The following CORIN variants were observed in gnomAD, a reference collection of about 807,000 sequenced individuals.
CORIN encodes corin, serine peptidase, also known as atrial natriuretic peptide-converting enzyme.
CORIN carries 117 observed loss-of-function variants against 125.3 expected under a neutral mutation model. That is an observed-to-expected ratio of 0.93 (90% CI 0.80 to 1.09). The LOEUF (loss-of-function observed/expected upper bound fraction) is 1.09. Ranked by LOEUF, CORIN falls within the 50% of genes least tolerant of loss-of-function variation. CORIN has a pLI of 0.00. For synonymous variants in CORIN, 450 were observed against 466.4 expected (o/e 0.96, Z 0.45); for missense variants, 1,253 against 1,306.7 (o/e 0.96, Z 0.63).
At chr4:47,630,379 G>A (rs1314529836) in intron 16 of CORIN, among the ~76,000 whole-genome samples, 1 of 152,174 alleles carries the variant, frequency 6.6e-6, no homozygotes, top group African/African-American at 2.4e-5. Flanking sequence ...TTTGTTTGAT[G>A]ATTGGGATTG....
intron 5 of CORIN, among the ~76,000 whole-genome samples, chr4:47,724,556 A>G (rs1727501426): frequency 6.6e-6 from 1 of 152,158 alleles, no homozygotes; most frequent in Non-Finnish European, 1.5e-5. Flanking sequence ...ATTTTTTTGG[A>G]ACTCAAGAAT....
intron 2 of CORIN, among the ~76,000 whole-genome samples, chr4:47,801,960 C>T (rs1731564168): frequency 1.3e-5 from 2 of 152,220 alleles, no homozygotes; most frequent in Non-Finnish European, 2.9e-5. Context: ...CTTCATCCTC[C>T]AGCAGTGGGT....
At chr4:47,667,439 G>C (rs1019543308) in intron 10 of CORIN, among the ~76,000 whole-genome samples, 1 of 152,190 alleles carries the variant, frequency 6.6e-6, no homozygotes, top group African/African-American at 2.4e-5. Flanking sequence ...AGGCAAGCAA[G>C]TGTCCTGGTA....
At chr4:47,711,690 C>A (rs745863545) in intron 5 of CORIN, among the ~76,000 whole-genome samples, 1 of 152,172 alleles carries the variant, frequency 6.6e-6, no homozygotes, top group Non-Finnish European at 1.5e-5. Flanking sequence ...ATTTTGGGAT[C>A]TCTATTGTTA....
rs1030638705 is a variant in CORIN, at chr4:47,776,355, G to A, written c.409+10370C>T. On this transcript the variant is annotated intron_variant, in intron 3 of 21. Coordinates refer to ENST00000273857, the MANE Select transcript of CORIN (RefSeq NM_006587.4). ...GACTGGAGTGCAATGGTGAGATCTC[G>A]GCTCACTTGAACTTCAGCCTCCCAG... Among the ~76,000 whole-genome samples, 7 of 150,550 alleles carry A rather than the reference G, an allele frequency of 4.6e-5. No individual in the cohort carries two copies. In the East Asian group the frequency reaches 1.4e-3, roughly 29 times the overall value.
In CORIN at chr4:47,603,460, C is replaced by G; in HGVS notation, c.2749G>C (p.Glu917Gln). Residue 917 changes from glutamate to glutamine, a missense_variant, in exon 20 of 22, where the codon GAG (glutamate) becomes CAG (glutamine). Coordinates refer to ENST00000273857, the MANE Select transcript of CORIN (RefSeq NM_006587.4). ...YVRPVCLPNP[E>Q]QWLEPDTYCY... ...TACGTGTCAGGCTCTAGCCACTGCTCCGGGTTGGGCAAGCAGACAGGCCGG... is the reference window on the plus strand; with the variant it reads ...TACGTGTCAGGCTCTAGCCACTGCTGCGGGTTGGGCAAGCAGACAGGCCGG... The G allele has an allele frequency of 6.2e-7, 1 of 1,614,166 alleles. No individual in the cohort carries two copies. Among genetic ancestry groups the G allele is most frequent in the South Asian group, 1.1e-5 (1 of 91,080 alleles).
chr4:47,667,396 A>G (rs1057349206), intron 10 of CORIN, among the ~76,000 whole-genome samples: 1 of 152,206 alleles, frequency 6.6e-6, no homozygotes, highest in Non-Finnish European at 1.5e-5. Flanking sequence ...CTCTGTTTGC[A>G]GTAGATATGC....
At chr4:47,672,858 A>T (rs186125634) in intron 10 of CORIN, among the ~76,000 whole-genome samples, 74 of 152,182 alleles carry the variant, frequency 4.9e-4, no homozygotes, top group African/African-American at 1.7e-3. Flanking sequence ...CAATCCTGTC[A>T]GTCTGGGTTA....
intron 20 of CORIN, among the ~76,000 whole-genome samples, chr4:47,601,217 A>G (rs1451646148): frequency 1.3e-5 from 2 of 152,306 alleles, no homozygotes; most frequent in East Asian, 3.9e-4. Context: ...AATCTTTACA[A>G]TACTCCTGTG....
intron 19 of CORIN, among the ~76,000 whole-genome samples, chr4:47,623,106 A>C (rs371119018): frequency 3.2e-5 from 4 of 126,428 alleles, no homozygotes; most frequent in African/African-American, 3.5e-5. Flanking sequence ...CTATATATAT[A>C]TATATATATA....
At chr4:47,826,011 C>CT (rs1029522421) in intron 1 of CORIN, among the ~76,000 whole-genome samples, 7 of 152,112 alleles carry the variant, frequency 4.6e-5, no homozygotes, top group Non-Finnish European at 1.0e-4. Context: ...CCAACCATTG[C>CT]TTTTTTCTGC....
At chr4:47,702,773 T>C (rs907209695) in intron 5 of CORIN, among the ~76,000 whole-genome samples, 2 of 152,002 alleles carry the variant, frequency 1.3e-5, no homozygotes, top group Non-Finnish European at 2.9e-5. Flanking sequence ...CTTTGAAAAA[T>C]ATCTTTCAAA....
intron 2 of CORIN, among the ~76,000 whole-genome samples, chr4:47,794,305 A>ATTTAAAT (rs1257153919): frequency 1.3e-5 from 2 of 152,162 alleles, no homozygotes; most frequent in African/African-American, 4.8e-5. Context: ...AAATTCAATG[A>ATTTAAAT]TCTCCAGTTC....
At chr4:47,599,717 G>A (rs1560466883) in intron 21 of CORIN, among the ~76,000 whole-genome samples, 1 of 152,196 alleles carries the variant, frequency 6.6e-6, no homozygotes, top group Non-Finnish European at 1.5e-5. Flanking sequence ...TGAGGGCCCA[G>A]ACAACACCAG....
rs372683178 is a variant in CORIN at position 47,744,585 on chromosome 4, T to TA, written c.618-3dup. 97,719 of 1,196,248 alleles carry TA rather than the reference T, an allele frequency of 0.082. 71 individuals are homozygous for TA. Among genetic ancestry groups the TA allele is most frequent in the Non-Finnish European group, 0.089 (78,411 of 881,446 alleles). The allele number at this position is 1,196,248 out of a possible 1,614,324, so 74.1% of individuals were successfully genotyped here. ...GACCTACAGGGCAGGAGTCCATGAC[T>TA]AAAAAAAAAAAAAGAGAAAGGTGAA... On this transcript the variant is annotated splice_polypyrimidine_tract_variant and splice_region_variant and intron_variant, in intron 4 of 21. Transcript: ENST00000273857.
At chr4:47,631,275 C>T (rs781668714) in intron 16 of CORIN, among the ~76,000 whole-genome samples, 10 of 152,144 alleles carry the variant, frequency 6.6e-5, no homozygotes, top group Admixed American at 1.3e-4. Flanking sequence ...AGGAACCAGG[C>T]CACACAGCAG....
At chr4:47,739,988 A>G (rs1382525172) in intron 5 of CORIN, among the ~76,000 whole-genome samples, 1 of 151,896 alleles carries the variant, frequency 6.6e-6, no homozygotes, top group Admixed American at 6.6e-5. Context: ...TATCTAACAC[A>G]AAAAAAGTCA....
chr4:47,645,489 A>C (rs1313915647), intron 13 of CORIN, among the ~76,000 whole-genome samples: 1 of 151,978 alleles, frequency 6.6e-6, no homozygotes, highest in Non-Finnish European at 1.5e-5. Context: ...TTTCTTAAAA[A>C]GTTTTGACCT....
chr4:47,621,902 G>A (rs979583530), intron 19 of CORIN, among the ~76,000 whole-genome samples: 2 of 149,516 alleles, frequency 1.3e-5, no homozygotes, highest in African/African-American at 4.9e-5. Flanking sequence ...ACATTGTGCA[G>A]GTTAGTTACA....
Sources: allele counts gnomAD v4.1 joint callset (sites outside exome capture counted in the v4.1 genomes callset), GRCh38; gene constraint gnomAD v4.1.1; transcripts MANE v1.5; gene names NCBI Gene and HGNC (gene_info 2026-07-23, HGNC 2026-07-21).